DENND1A: variants seen among roughly 807,000 people sequenced by gnomAD.
DENND1A encodes the protein DENN domain containing 1A.
DENND1A carries 51 observed loss-of-function variants against 113.7 expected under a neutral mutation model. The observed-to-expected ratio is 0.45, with a 90% CI of 0.36 to 0.57. DENND1A has a LOEUF of 0.57. Ranked by LOEUF, DENND1A falls within the 20% of genes least tolerant of loss-of-function variation. The pLI is 0.00. For synonymous variants in DENND1A, 565 were observed against 570.8 expected, an observed-to-expected ratio of 0.99 and a Z score of 0.14; for missense variants, 1,258 against 1,395.9, an observed-to-expected ratio of 0.90 and a Z score of 1.57.
chr9:123,627,739 C>CAAAAAAAA (rs764341977), intron 10 of DENND1A, among the ~76,000 whole-genome samples: 5 of 57,800 alleles, frequency 8.7e-5, no homozygotes, highest in African/African-American at 3.2e-4. Context: ...AACTCTGTCT[C>CAAAAAAAA]AAAAAAAAAA....
chr9:123,564,977 C>CTTCT (rs2057968337), intron 12 of DENND1A, among the ~76,000 whole-genome samples: 1 of 115,928 alleles, frequency 8.6e-6, no homozygotes. Flanking sequence ...ATGTCTGTCC[C>CTTCT]TTCTTTTTTT....
chr9:123,877,557 C>G (rs1010286784), intron 2 of DENND1A, among the ~76,000 whole-genome samples: 1 of 151,994 alleles, frequency 6.6e-6, no homozygotes, highest in African/African-American at 2.4e-5. Flanking sequence ...GGCATGGTGG[C>G]TCATACCTGT....
intron 3 of DENND1A, among the ~76,000 whole-genome samples, chr9:123,787,257 T>C (rs994681077): frequency 6.6e-6 from 1 of 152,188 alleles, no homozygotes; most frequent in Non-Finnish European, 1.5e-5. Flanking sequence ...TGTGGCTTCT[T>C]TTCATAGTAA....
chr9:123,587,683 A>G (rs1359967312), intron 11 of DENND1A, among the ~76,000 whole-genome samples: 3 of 152,218 alleles, frequency 2.0e-5, no homozygotes, highest in Non-Finnish European at 1.5e-5. Context: ...GGTTCTCTGC[A>G]TGGGGAAGCA....
At chr9:123,690,546 T>A (rs1354739446) in intron 5 of DENND1A, among the ~76,000 whole-genome samples, 1 of 152,246 alleles carries the variant, frequency 6.6e-6, no homozygotes, top group Admixed American at 6.5e-5. Flanking sequence ...TATTTAGATA[T>A]AAAAGCAGGC....
chr9:123,668,286 A>G (rs183686637), intron 7 of DENND1A, among the ~76,000 whole-genome samples: 2 of 152,314 alleles, frequency 1.3e-5, no homozygotes, highest in Admixed American at 1.3e-4. Flanking sequence ...CAAAATAGGT[A>G]GGTGTGTAGA....
intron 13 of DENND1A, among the ~76,000 whole-genome samples, chr9:123,472,216 G>A (rs1473103219): frequency 6.6e-6 from 1 of 152,088 alleles, no homozygotes; most frequent in Non-Finnish European, 1.5e-5. Flanking sequence ...ACAAATATGG[G>A]TGACTGAGGT....
chr9:123,410,990 C>G (rs78941905), intron 20 of DENND1A, among the ~76,000 whole-genome samples: 4,187 of 152,210 alleles, frequency 0.028, 132 homozygotes, highest in African/African-American at 0.067. Flanking sequence ...GGACCCAGAC[C>G]CCATATTTTT....
chr9:123,889,743 C>T (rs1849628988), intron 1 of DENND1A, among the ~76,000 whole-genome samples: 1 of 152,080 alleles, frequency 6.6e-6, no homozygotes, highest in Non-Finnish European at 1.5e-5. Flanking sequence ...GAGGCCGAGG[C>T]AGGTAGATCA....
chr9:123,720,725 T>A (rs1433650613), intron 5 of DENND1A, among the ~76,000 whole-genome samples: 1 of 152,240 alleles, frequency 6.6e-6, no homozygotes, highest in African/African-American at 2.4e-5. Context: ...CTGATTCTTA[T>A]CTATGGCAAT....
chr9:123,393,769 G>A lies in DENND1A; in HGVS notation c.1632-5911C>T, dbSNP rs566792850. On this transcript the variant is annotated intron_variant, in intron 21 of 23. Coordinates refer to ENST00000394215, the MANE Select transcript of DENND1A (RefSeq NM_001352964.2). ...AGGTGAATATCTACTTAAAAGCAAC[G>A]ACGATAAGAATTCTTGTTGCCACAA... 2.0e-4 allele frequency among the ~76,000 whole-genome samples: 30 copies of A among 152,292 alleles called. 2 individuals are homozygous for A. In the South Asian group the frequency reaches 5.2e-3, roughly 26 times the overall value.
chr9:123,391,571 A>G (rs2042846285), intron 21 of DENND1A, among the ~76,000 whole-genome samples: 1 of 152,146 alleles, frequency 6.6e-6, no homozygotes, highest in Non-Finnish European at 1.5e-5. Context: ...CTGGGTCAGA[A>G]ACAACGAAAT....
At chr9:123,601,627 G>A (rs375512489) in intron 11 of DENND1A, among the ~76,000 whole-genome samples, 1 of 152,056 alleles carries the variant, frequency 6.6e-6, no homozygotes, top group African/African-American at 2.4e-5. Flanking sequence ...CTCCACCCAG[G>A]GTTTCACTGA....
intron 2 of DENND1A, among the ~76,000 whole-genome samples, chr9:123,865,928 A>G (rs1361277673): frequency 6.6e-6 from 1 of 152,194 alleles, no homozygotes; most frequent in African/African-American, 2.4e-5. Context: ...ATTTCCGTTA[A>G]CCAAAATACT....
At chr9:123,924,866 AG>A (rs1402761296) in intron 1 of DENND1A, among the ~76,000 whole-genome samples, 2 of 152,150 alleles carry the variant, frequency 1.3e-5, no homozygotes, top group Non-Finnish European at 2.9e-5. Flanking sequence ...AAATATGCCT[AG>A]GGTTTTCTTG....
At chr9:123,390,907 C>T (rs893993188) in intron 21 of DENND1A, among the ~76,000 whole-genome samples, 1 of 152,258 alleles carries the variant, frequency 6.6e-6, no homozygotes, top group Admixed American at 6.5e-5. Context: ...CTGGCTCTGA[C>T]AAGAGAGCAC....
chr9:123,531,719 A>T (rs2135373437), intron 13 of DENND1A, among the ~76,000 whole-genome samples: 1 of 152,286 alleles, frequency 6.6e-6, no homozygotes, highest in Admixed American at 6.5e-5. Context: ...AAATCATCAC[A>T]TTTTCACCAC....
chr9:123,651,922 T>G, intron 9 of DENND1A, 91 bp downstream of exon 9: 1 of 1,117,522 alleles, frequency 8.9e-7, no homozygotes, highest in Admixed American at 2.3e-5. Context: ...TGTAGCTGAC[T>G]CCTTTTTCTA....
intron 13 of DENND1A, among the ~76,000 whole-genome samples, chr9:123,479,279 C>T (rs1051229180): frequency 1.3e-5 from 2 of 152,172 alleles, no homozygotes; most frequent in Middle Eastern, 3.2e-3. Context: ...CCAACATGAT[C>T]GCCTCTCATT....
Sources: allele counts gnomAD v4.1 joint callset (sites outside exome capture counted in the v4.1 genomes callset), GRCh38; gene constraint gnomAD v4.1.1; transcripts MANE v1.5; gene names NCBI Gene and HGNC (gene_info 2026-07-23, HGNC 2026-07-21).